Variants in RICTOR observed in about 807,000 individuals in gnomAD.
The protein encoded by RICTOR is rapamycin-insensitive companion of mTOR.
A neutral mutation model predicts 214.9 loss-of-function variants in RICTOR; 49 were observed. The observed-to-expected ratio is 0.23, with a 90% CI of 0.18 to 0.29. The LOEUF is 0.29. Ranked by LOEUF, RICTOR falls within the 10% of genes least tolerant of loss-of-function variation. The pLI is 1.00. For synonymous variants in RICTOR, 717 were observed against 711.3 expected (o/e 1.01, Z -0.13); for missense variants, 1,625 against 2,047.0 (o/e 0.79, Z 3.98).
At chr5:39,031,486 C>T (rs1028508842) in intron 2 of RICTOR, among the ~76,000 whole-genome samples, 1 of 152,110 alleles carries the variant, frequency 6.6e-6, no homozygotes, top group Non-Finnish European at 1.5e-5. Flanking sequence ...GCTCTTCTAA[C>T]TCATACCTAA....
At chr5:39,000,643 A>G (rs968223287) in intron 5 of RICTOR, among the ~76,000 whole-genome samples, 6 of 152,028 alleles carry the variant, frequency 3.9e-5, no homozygotes, top group African/African-American at 1.4e-4. Flanking sequence ...CTCATGTAGT[A>G]AGGTAAGAAA....
At position 38,942,728 on chromosome 5, in the gene RICTOR, T is replaced by C. The variant is rs142949865; in HGVS notation, c.5052+105A>G. On this transcript the variant is annotated intron_variant, in intron 37 of 37. Coordinates refer to ENST00000357387, the MANE Select transcript of RICTOR (RefSeq NM_152756.5). ...GCGCTGACCCCACAAAGTGCTGGGA[T>C]TGTAGGCATGAGTCACCACACCCAG... 282 of 894,686 alleles carry C rather than the reference T, an allele frequency of 3.2e-4. 1 individual carries two copies. In the African/African-American group the frequency reaches 4.4e-3, roughly 14 times the overall value. 55.4% of individuals were successfully genotyped at this position (894,686 alleles called of 1,614,324 possible).
chr5:38,945,037 A>C lies in RICTOR; in HGVS notation c.4665T>G (p.Cys1555Trp). ...CTAAAGGATTATGGATAGTCTGCTCACACCAATCAGAATATGGAATATCTT... is the reference window on the plus strand; with the variant it reads ...CTAAAGGATTATGGATAGTCTGCTCCCACCAATCAGAATATGGAATATCTT... ...DFQDIPYSDW[C>W]EQTIHNPLEV... The change falls in exon 35 of 38, where the codon TGT becomes TGG. Residue 1555 changes from cysteine (C) to tryptophan (W), a missense_variant. By Grantham distance (215) the Cys-to-Trp change is radical. This residue lies in a region of RICTOR where 1,214 missense variants were observed against 1,470.5 expected (regional missense o/e 0.83). Transcript: ENST00000357387. The C allele has an allele frequency of 6.2e-7, 1 of 1,610,600 alleles. No individual in the cohort carries two copies. Among genetic ancestry groups the C allele is most frequent in the Non-Finnish European group, 8.5e-7 (1 of 1,177,486 alleles).
At position 39,005,146 on chromosome 5, in the gene RICTOR, T is replaced by C. The variant is rs367939770; in HGVS notation, c.196-1524A>G. 1.8e-4 allele frequency among the ~76,000 whole-genome samples: 27 copies of C among 152,332 alleles called. No homozygotes were observed. In the South Asian group the frequency reaches 5.2e-3, roughly 29 times the overall value. On this transcript the variant is annotated intron_variant, in intron 3 of 37. Transcript: ENST00000357387. The stretch of plus-strand genomic sequence containing the variant: ...GGTTTCCAGCAATCTTATTACAATG[T>C]TTCTAGGTGTGGTTTCCTTTGTAGC...
intron 10 of RICTOR, among the ~76,000 whole-genome samples, 157 bp from the exon 11 acceptor site, chr5:38,972,116 A>G (rs1476311476): frequency 1.3e-5 from 2 of 152,246 alleles, no homozygotes; most frequent in Non-Finnish European, 2.9e-5. Context: ...ACTGAAATAT[A>G]TTTGAAGCAT....
At chr5:38,982,419 AAACACACACATAG>A (rs1398548494) in intron 7 of RICTOR, among the ~76,000 whole-genome samples, 1 of 152,186 alleles carries the variant, frequency 6.6e-6, no homozygotes, top group Non-Finnish European at 1.5e-5. Flanking sequence ...TATTTTTATT[AAACACACACATAG>A]AACACACAGT....
At chr5:39,026,018 T>G (rs1033624906) in intron 2 of RICTOR, among the ~76,000 whole-genome samples, 1 of 152,056 alleles carries the variant, frequency 6.6e-6, no homozygotes, top group Non-Finnish European at 1.5e-5. Context: ...AAAAGAAACT[T>G]AAAGAGAGGT....
At chr5:39,031,854 G>A (rs529750934) in intron 2 of RICTOR, among the ~76,000 whole-genome samples, 4 of 152,086 alleles carry the variant, frequency 2.6e-5, no homozygotes, top group Non-Finnish European at 5.9e-5. Context: ...AAAAGCATAC[G>A]AAGATTACTG....
At chr5:38,971,653 T>G in intron 11 of RICTOR, 1 of 322,648 alleles carries the variant, frequency 3.1e-6, no homozygotes, top group Non-Finnish European at 5.6e-6. Context: ...AGTTCTGGGA[T>G]TACACGCATG....
chr5:39,031,748 C>T (rs1047718260), intron 2 of RICTOR, among the ~76,000 whole-genome samples: 4 of 152,080 alleles, frequency 2.6e-5, no homozygotes, highest in Admixed American at 1.3e-4. Context: ...GATACATATG[C>T]GACTTCAACA....
At position 38,953,316 on chromosome 5, in the gene RICTOR, C is replaced by A. The variant is rs530286172; in HGVS notation, c.2790+145G>T. The A allele has an allele frequency of 5.5e-5, 31 of 560,986 alleles. No homozygotes were observed. The South Asian group carries it at 8.0e-4, about 14-fold the overall frequency. The allele number at this position is 560,986 out of a possible 1,614,324, so 34.8% of individuals were successfully genotyped here. On this transcript the variant is annotated intron_variant, in intron 28 of 37. Coordinates refer to ENST00000357387, the MANE Select transcript of RICTOR (RefSeq NM_152756.5). Reference sequence around the variant, plus strand: ...TCTATTCTTCAACATAGAGATAATACACTTATATTGGCAGGAACAATCCAG... The same window carrying A: ...TCTATTCTTCAACATAGAGATAATAAACTTATATTGGCAGGAACAATCCAG...
At chr5:38,998,743 G>A (rs557935911) in intron 5 of RICTOR, among the ~76,000 whole-genome samples, 212 of 152,152 alleles carry the variant, frequency 1.4e-3, no homozygotes, top group African/African-American at 4.8e-3. Context: ...AGCCAGGTGC[G>A]GTGGCTCACG....
At chr5:38,968,065 T>C in intron 11 of RICTOR, 35 bp from the exon 12 acceptor site, 1 of 1,175,624 alleles carries the variant, frequency 8.5e-7, no homozygotes, top group East Asian at 2.3e-5. Context: ...CATTTATTTT[T>C]ATGAAACACT....
At chr5:38,984,491 C>T (rs1203468184) in intron 7 of RICTOR, among the ~76,000 whole-genome samples, 2 of 152,034 alleles carry the variant, frequency 1.3e-5, no homozygotes, top group African/African-American at 4.8e-5. Flanking sequence ...GAAAAATTAT[C>T]TTTGAGTATA....
chr5:39,008,224 T>A (rs978501970), intron 3 of RICTOR, among the ~76,000 whole-genome samples: 1 of 152,030 alleles, frequency 6.6e-6, no homozygotes, highest in African/African-American at 2.4e-5. Flanking sequence ...ACACCAAAAA[T>A]TTTTTTAACA....
At chr5:39,047,253 G>C (rs779036191) in intron 2 of RICTOR, among the ~76,000 whole-genome samples, 8 of 152,158 alleles carry the variant, frequency 5.3e-5, no homozygotes, top group Non-Finnish European at 1.2e-4. Flanking sequence ...GGTCAAGTGG[G>C]GGGGATGGTT....
At chr5:38,978,848 T>C (rs1220737580) in intron 8 of RICTOR, among the ~76,000 whole-genome samples, 198 bp from the exon 9 acceptor site, 1 of 152,094 alleles carries the variant, frequency 6.6e-6, no homozygotes, top group Non-Finnish European at 1.5e-5. Context: ...AACTTTTAAA[T>C]TGAGGTTTAA....
intron 8 of RICTOR, among the ~76,000 whole-genome samples, chr5:38,980,615 T>A (rs766990994): frequency 6.6e-6 from 1 of 152,000 alleles, no homozygotes; most frequent in Non-Finnish European, 1.5e-5. Context: ...GAGGCTGAAG[T>A]GGGTGGACTG....
chr5:39,074,294 C>T, intron 1 of RICTOR, 35 bp downstream of exon 1: 3 of 1,545,174 alleles, frequency 1.9e-6, no homozygotes, highest in Non-Finnish European at 8.7e-7. Flanking sequence ...TGGCGGGCGC[C>T]GGGCGGTGGG....
Sources: allele counts gnomAD v4.1 joint callset (sites outside exome capture counted in the v4.1 genomes callset), GRCh38; gene constraint gnomAD v4.1.1; regional missense constraint gnomAD v4.1.1; transcripts MANE v1.5; gene names NCBI Gene and HGNC (gene_info 2026-07-23, HGNC 2026-07-21).